IL1RAP: variants seen among roughly 807,000 people sequenced by gnomAD.
The protein encoded by IL1RAP is interleukin 1 receptor accessory protein.
Under a neutral mutation model 60.7 loss-of-function variants are expected in IL1RAP, and 35 were observed. The ratio of observed to expected loss-of-function variants is 0.58; its 90% CI spans 0.44 to 0.76. IL1RAP has a LOEUF of 0.76. Ranked by LOEUF, IL1RAP falls within the 30% of genes least tolerant of loss-of-function variation. The pLI is 0.00. For missense variants in IL1RAP, 572 were observed against 693.9 expected (o/e 0.82, Z 1.97); for synonymous variants, 268 against 250.9 (o/e 1.07, Z -0.64).
chr3:190,652,987 A>T (rs1295923150), downstream of IL1RAP, among the ~76,000 whole-genome samples: 1 of 152,216 alleles, frequency 6.6e-6, no homozygotes, highest in Non-Finnish European at 1.5e-5. Flanking sequence ...ACAGTATGGT[A>T]TGAGAGACGG....
rs542805273 is a variant in IL1RAP at position 190,599,265 on chromosome 3, G to A, written c.65-4863G>A. Reference sequence around the variant, plus strand: ...TATTGTTTTATTCTCTCATTTTTGTGGCACACATCCCCCGAAGCTCCCTGA... The same window carrying A: ...TATTGTTTTATTCTCTCATTTTTGTAGCACACATCCCCCGAAGCTCCCTGA... On this transcript the variant is annotated intron_variant, in intron 3 of 11. Transcript: ENST00000447382. 3.3e-5 allele frequency among the ~76,000 whole-genome samples: 5 copies of A among 152,076 alleles called. No homozygotes were observed. The South Asian group carries it at 8.3e-4, about 25-fold the overall frequency.
intron 1 of IL1RAP, among the ~76,000 whole-genome samples, chr3:190,537,897 G>C (rs1343251575): frequency 6.6e-6 from 1 of 151,896 alleles, no homozygotes; most frequent in South Asian, 2.1e-4. Flanking sequence ...TTATATTCTA[G>C]TCTTACTAGA....
chr3:190,573,753 G>A (rs1727208449), intron 3 of IL1RAP, among the ~76,000 whole-genome samples: 1 of 152,164 alleles, frequency 6.6e-6, no homozygotes, highest in South Asian at 2.1e-4. Context: ...AGAAGACCAT[G>A]TTAAGCTAAA....
chr3:190,564,039 TG>T, intron 2 of IL1RAP: 1 of 437,276 alleles, frequency 2.3e-6, no homozygotes, highest in Non-Finnish European at 4.2e-6. Flanking sequence ...ATCTTAGTTA[TG>T]TTATTTAAAC....
chr3:190,593,547 G>A (rs1396497799), intron 3 of IL1RAP, among the ~76,000 whole-genome samples: 1 of 152,146 alleles, frequency 6.6e-6, no homozygotes, highest in Non-Finnish European at 1.5e-5. Flanking sequence ...GTTCCACATG[G>A]CTAGGGAGCC....
chr3:190,618,598 G>A (rs754174319), intron 5 of IL1RAP, among the ~76,000 whole-genome samples: 7 of 152,120 alleles, frequency 4.6e-5, no homozygotes, highest in South Asian at 2.1e-4. Context: ...AAATGAGGGG[G>A]AAATACCTTT....
intron 5 of IL1RAP, among the ~76,000 whole-genome samples, chr3:190,618,225 T>C (rs1731450387): frequency 6.6e-6 from 1 of 152,206 alleles, no homozygotes; most frequent in South Asian, 2.1e-4. Context: ...GCTTTAACAC[T>C]GTCTGGTGGT....
At chr3:190,521,372 G>A (rs1357464161) in intron 1 of IL1RAP, among the ~76,000 whole-genome samples, 1 of 151,824 alleles carries the variant, frequency 6.6e-6, no homozygotes, top group Non-Finnish European at 1.5e-5. Context: ...AGTCTCAAAG[G>A]GGCTACATAT....
chr3:190,652,282 T>C (rs570102561), downstream of IL1RAP, among the ~76,000 whole-genome samples: 31 of 151,904 alleles, frequency 2.0e-4, no homozygotes, highest in South Asian at 6.0e-3. Context: ...GCCAACATGG[T>C]GAAACCCTGT....
chr3:190,649,670 TG>T lies in IL1RAP; in HGVS notation c.*966del. On this transcript the variant is annotated 3_prime_UTR_variant, in exon 12 of 12. Coordinates refer to ENST00000447382, the MANE Select transcript of IL1RAP (RefSeq NM_002182.4). The stretch of plus-strand genomic sequence containing the variant: ...AAAGTGATTTTTTCTCACTCGTTTT[TG>T]TTGCTCCATTGTAAAGGGCGGAGGT... 1.0e-6 allele frequency: 1 copy of T among 985,888 alleles called. No individual in the cohort carries two copies. The highest frequency in any genetic ancestry group is 4.7e-5 in the South Asian group (1 of 21,292). 61.1% of individuals were successfully genotyped at this position (985,888 alleles called of 1,614,324 possible). A position where few individuals can be genotyped will look rare whatever the true frequency, so the allele number is the denominator to read the frequency against.
At chr3:190,654,217 C>CACAG (rs1734529464), downstream of IL1RAP, among the ~76,000 whole-genome samples, 1 of 151,488 alleles carries the variant, frequency 6.6e-6, no homozygotes, top group South Asian at 2.1e-4. Context: ...CACACACACA[C>CACAG]ACACACACAC....
At chr3:190,516,679 G>C (rs1721549367) in intron 1 of IL1RAP, among the ~76,000 whole-genome samples, 1 of 152,018 alleles carries the variant, frequency 6.6e-6, no homozygotes, top group African/African-American at 2.4e-5. Flanking sequence ...GGGTGATATT[G>C]AGCAGTTTAT....
At chr3:190,653,269 A>G (rs1383189957), downstream of IL1RAP, among the ~76,000 whole-genome samples, 1 of 152,228 alleles carries the variant, frequency 6.6e-6, no homozygotes, top group African/African-American at 2.4e-5. Flanking sequence ...AGCAACAGTA[A>G]TTTAATCAAA....
chr3:190,594,343 G>A (rs6796131), intron 3 of IL1RAP, among the ~76,000 whole-genome samples: 5 of 152,006 alleles, frequency 3.3e-5, no homozygotes, highest in African/African-American at 7.2e-5. Flanking sequence ...AGGCAACTCC[G>A]CAAGTTATTC....
chr3:190,524,986 G>A (rs1257254399), intron 1 of IL1RAP, among the ~76,000 whole-genome samples: 1 of 134,426 alleles, frequency 7.4e-6, no homozygotes, highest in Non-Finnish European at 1.7e-5. Flanking sequence ...TTATGTCTAT[G>A]TACATATATA....
intron 9 of IL1RAP, chr3:190,629,713 C>A: frequency 8.0e-7 from 1 of 1,247,750 alleles, no homozygotes. Context: ...ACCGTAATGC[C>A]CAAATGTAGC....
intron 1 of IL1RAP, among the ~76,000 whole-genome samples, chr3:190,543,492 A>G (rs16865586): frequency 0.018 from 2,778 of 152,300 alleles, 100 homozygotes; most frequent in African/African-American, 0.063. Flanking sequence ...ATAAAAAAGC[A>G]CATTACTGAG....
chr3:190,624,258 G>A (rs1204191283), intron 7 of IL1RAP, among the ~76,000 whole-genome samples: 1 of 152,228 alleles, frequency 6.6e-6, no homozygotes, highest in African/African-American at 2.4e-5. Context: ...ATTACATAAA[G>A]TTGTTCTGAA....
At chr3:190,586,413 C>T (rs971702034) in intron 3 of IL1RAP, among the ~76,000 whole-genome samples, 1 of 152,188 alleles carries the variant, frequency 6.6e-6, no homozygotes, top group Non-Finnish European at 1.5e-5. Flanking sequence ...GTGACCCAGA[C>T]AGAAGAGGTG....
Sources: gnomAD v4.1 joint callset for allele counts (sites outside exome capture counted in the v4.1 genomes callset) on GRCh38, gnomAD v4.1.1 for gene constraint, MANE v1.5 for transcripts, NCBI Gene and HGNC (gene_info 2026-07-23, HGNC 2026-07-21) for gene names.